Variants in NT5C2 observed in about 807,000 individuals in gnomAD.
NT5C2 encodes cytosolic purine 5'-nucleotidase.
Under a neutral mutation model 76.1 loss-of-function variants are expected in NT5C2, and 58 were observed. The ratio of observed to expected loss-of-function variants is 0.76; its 90% CI spans 0.62 to 0.95. The LOEUF (loss-of-function observed/expected upper bound fraction) is 0.95. Ranked by LOEUF, NT5C2 falls within the 40% of genes least tolerant of loss-of-function variation. The pLI is 0.00. For synonymous variants in NT5C2, 229 were observed against 237.4 expected (o/e 0.96, Z 0.32); for missense variants, 478 against 690.3 (o/e 0.69, Z 3.45).
intron 2 of NT5C2, among the ~76,000 whole-genome samples, chr10:103,179,808 TTTAGAATATTTTATTCTC>T (rs1408415161): frequency 8.5e-5 from 13 of 152,266 alleles, no homozygotes; most frequent in Non-Finnish European, 1.2e-4. Context: ...ATGCAAAAGA[TTTAGAATATTTTATTCTC>T]TTAGAAGGTT....
At position 103,172,100 on chromosome 10, in the gene NT5C2, C is replaced by T. The variant is rs191211835; in HGVS notation, c.101+2758G>A. On this transcript the variant is annotated intron_variant, in intron 3 of 18. Transcript: ENST00000404739. ...TGGTGTGTGCCTGTAATCCCAGCTA[C>T]TCGGGACGGTGAGGCAGGAGAATCG... Among the ~76,000 whole-genome samples, 732 of 151,900 alleles carry T rather than the reference C, an allele frequency of 4.8e-3. 25 individuals carry two copies. Among genetic ancestry groups the T allele is most frequent in the Admixed American group, 0.035 (529 of 15,256 alleles).
chr10:103,153,234 C>T, intron 3 of NT5C2: 1 of 1,171,078 alleles, frequency 8.5e-7, no homozygotes, highest in Non-Finnish European at 1.1e-6. Context: ...TTAATTCATG[C>T]AGATGATACC....
At chr10:103,136,048 T>C (rs937017061) in intron 4 of NT5C2, among the ~76,000 whole-genome samples, 9 of 151,990 alleles carry the variant, frequency 5.9e-5, no homozygotes, top group Admixed American at 6.6e-5. Context: ...GATTGCACCA[T>C]TGCACTCCAG....
chr10:103,152,067 G>A (rs924288969), intron 3 of NT5C2, among the ~76,000 whole-genome samples: 5 of 152,028 alleles, frequency 3.3e-5, no homozygotes, highest in African/African-American at 4.8e-5. Flanking sequence ...AACTTTAACC[G>A]CGTCTAGAAA....
At chr10:103,192,035 T>C (rs181995374) in intron 1 of NT5C2, among the ~76,000 whole-genome samples, 16 of 152,200 alleles carry the variant, frequency 1.1e-4, no homozygotes, top group Admixed American at 6.5e-4. Context: ...CTGGATGTCT[T>C]CATCTGGATA....
At chr10:103,163,990 G>A (rs2085664502) in intron 3 of NT5C2, among the ~76,000 whole-genome samples, 1 of 152,014 alleles carries the variant, frequency 6.6e-6, no homozygotes, top group Non-Finnish European at 1.5e-5. Flanking sequence ...TAAAATCCCA[G>A]TATTTTGGGA....
intron 4 of NT5C2, among the ~76,000 whole-genome samples, chr10:103,134,942 T>C (rs2078905304): frequency 6.6e-6 from 1 of 152,260 alleles, no homozygotes; most frequent in Non-Finnish European, 1.5e-5. Context: ...ATGGGGCCTG[T>C]AGCCCCTTTG....
chr10:103,143,988 A>G (rs2081046201), intron 3 of NT5C2, among the ~76,000 whole-genome samples: 1 of 152,090 alleles, frequency 6.6e-6, no homozygotes, highest in Non-Finnish European at 1.5e-5. Context: ...TCCAACCTCC[A>G]GCCCCCAAAC....
At chr10:103,156,559 C>T (rs1332289369) in intron 3 of NT5C2, among the ~76,000 whole-genome samples, 1 of 149,034 alleles carries the variant, frequency 6.7e-6, no homozygotes, top group Non-Finnish European at 1.5e-5. Flanking sequence ...GTTCTAAGAC[C>T]AGCCCAGCCA....
intron 4 of NT5C2, among the ~76,000 whole-genome samples, chr10:103,119,337 C>G (rs961160066): frequency 6.6e-6 from 1 of 152,108 alleles, no homozygotes. Flanking sequence ...CCATTGTACT[C>G]CAGCCTGGGC....
intron 4 of NT5C2, among the ~76,000 whole-genome samples, chr10:103,115,113 G>C (rs2074012622): frequency 6.6e-6 from 1 of 152,140 alleles, no homozygotes. Context: ...GTTGAAAATA[G>C]CCTTTGGCTG....
At position 103,101,275 on chromosome 10, in the gene NT5C2, A is replaced by T. The variant is rs775506208; in HGVS notation, c.441T>A (p.Thr147=). 1 of 1,609,552 alleles carries T rather than the reference A, an allele frequency of 6.2e-7. No homozygotes were observed. ...GTGTGTTCAGAATGTAAAATCTTTC[A>T]GTATCATCTCGCTGGATAAATTTAT... ...YPNKFIQRDD[T]ERFYILNTLF... The change falls in exon 7 of 19, where the codon ACT becomes ACA. Residue 147 remains threonine, a synonymous_variant. Transcript: ENST00000404739.
intron 4 of NT5C2, among the ~76,000 whole-genome samples, chr10:103,135,325 G>T (rs577473095): frequency 6.6e-6 from 1 of 152,200 alleles, no homozygotes; most frequent in African/African-American, 2.4e-5. Context: ...TGCTGTTCCT[G>T]TAATAGTGAA....
chr10:103,101,080 T>G lies in NT5C2; in HGVS notation c.504A>C (p.Leu168=), dbSNP rs111428317. Residue 168 remains leucine (L), a synonymous_variant, in exon 8 of 19, where the codon CTA becomes CTC. Coordinates refer to ENST00000404739, the MANE Select transcript of NT5C2 (RefSeq NM_001351169.2). ...NLPETYLLAC[L]VDFFTNCPRY... ...TGGGACAATTAGTAAAAAAATCTAC[T>G]AGGCAGGCCAACAGGTAGGTCTCTG... 6.3e-7 allele frequency: 1 copy of G among 1,588,282 alleles called. No homozygotes were observed. The highest frequency in any genetic ancestry group is 1.7e-5 in the Admixed American group (1 of 59,958).
At chr10:103,171,643 A>T (rs1177151697) in intron 3 of NT5C2, among the ~76,000 whole-genome samples, 1 of 151,842 alleles carries the variant, frequency 6.6e-6, no homozygotes, top group Non-Finnish European at 1.5e-5. Context: ...GTAGATTTCT[A>T]ATTTCTTCTT....
intron 3 of NT5C2, among the ~76,000 whole-genome samples, chr10:103,151,942 A>G (rs1012860977): frequency 1.6e-4 from 25 of 152,172 alleles, no homozygotes; most frequent in Non-Finnish European, 3.1e-4. Context: ...TAAAAAAAAA[A>G]TCTGCCGTTA....
At position 103,090,329 on chromosome 10, in the gene NT5C2, C is replaced by T. The variant is rs375945801; in HGVS notation, c.1449+282G>A. The T allele has an allele frequency of 9.7e-5, 37 of 380,642 alleles. No individual in the cohort carries two copies. The South Asian group carries it at 2.2e-3, about 22-fold the overall frequency. 23.6% of individuals were successfully genotyped at this position (380,642 alleles called of 1,614,324 possible). On this transcript the variant is annotated intron_variant, in intron 18 of 18. Coordinates refer to ENST00000404739, the MANE Select transcript of NT5C2 (RefSeq NM_001351169.2). ...ACTTCCTGGGCTCAATCAATCCTCCCACCTCAGCCTCTAAAGTTCTGGGGT... is the reference window on the plus strand; with the variant it reads ...ACTTCCTGGGCTCAATCAATCCTCCTACCTCAGCCTCTAAAGTTCTGGGGT...
intron 3 of NT5C2, among the ~76,000 whole-genome samples, chr10:103,161,106 G>A (rs1055753828): frequency 3.3e-5 from 5 of 152,204 alleles, no homozygotes; most frequent in African/African-American, 1.2e-4. Context: ...CTGGAAAATG[G>A]TTTGGCAAAG....
At chr10:103,113,877 T>G (rs1369798080) in intron 4 of NT5C2, among the ~76,000 whole-genome samples, 3 of 152,230 alleles carry the variant, frequency 2.0e-5, no homozygotes, top group Non-Finnish European at 4.4e-5. Context: ...CTCAAGGTAC[T>G]ATAAAGTTTA....
Sources: allele counts gnomAD v4.1 joint callset (sites outside exome capture counted in the v4.1 genomes callset), GRCh38; gene constraint gnomAD v4.1.1; transcripts MANE v1.5; gene names NCBI Gene and HGNC (gene_info 2026-07-23, HGNC 2026-07-21).